The following NXPH1 variants were observed in gnomAD, a reference collection of about 807,000 sequenced individuals.
NXPH1 encodes neurexophilin-1.
Under a neutral mutation model 23.7 loss-of-function variants are expected in NXPH1, and 5 were observed. That is an observed-to-expected ratio of 0.21 (90% CI 0.11 to 0.44). The LOEUF (loss-of-function observed/expected upper bound fraction) is 0.44. Ranked by LOEUF, NXPH1 falls within the 20% of genes least tolerant of loss-of-function variation. The probability of loss-of-function intolerance (pLI) is 0.99; values close to 1 mark genes in which losing one functional copy is unlikely to be tolerated. For missense variants in NXPH1, 324 were observed against 321.6 expected (o/e 1.01, Z -0.06); for synonymous variants, 144 against 122.2 (o/e 1.18, Z -1.18).
chr7:8,665,452 G>A (rs1314386654), intron 2 of NXPH1, among the ~76,000 whole-genome samples: 1 of 151,904 alleles, frequency 6.6e-6, no homozygotes, highest in East Asian at 1.9e-4. Flanking sequence ...ATAGTGTGAT[G>A]CCTTTAGCTT....
intron 2 of NXPH1, among the ~76,000 whole-genome samples, chr7:8,536,731 T>C (rs1339592778): frequency 2.0e-5 from 3 of 152,048 alleles, no homozygotes; most frequent in Non-Finnish European, 4.4e-5. Context: ...TCTATATTAA[T>C]ATCCCAGACA....
intron 2 of NXPH1, among the ~76,000 whole-genome samples, chr7:8,612,684 C>T (rs1819646518): frequency 6.6e-6 from 1 of 152,026 alleles, no homozygotes. Context: ...TAGACCACTA[C>T]TTATTTTGTT....
intron 2 of NXPH1, among the ~76,000 whole-genome samples, chr7:8,488,546 T>G (rs1254019388): frequency 6.6e-6 from 1 of 152,164 alleles, no homozygotes; most frequent in Non-Finnish European, 1.5e-5. Flanking sequence ...CATGGCCGCT[T>G]ATAGTGCTAC....
intron 2 of NXPH1, among the ~76,000 whole-genome samples, chr7:8,576,321 G>A (rs1358651985): frequency 6.6e-6 from 1 of 152,184 alleles, no homozygotes; most frequent in Non-Finnish European, 1.5e-5. Flanking sequence ...TTTGGGGTAG[G>A]AGTGAGGAGA....
chr7:8,705,923 G>T (rs1779698051), intron 2 of NXPH1, among the ~76,000 whole-genome samples: 1 of 152,128 alleles, frequency 6.6e-6, no homozygotes, highest in South Asian at 2.1e-4. Flanking sequence ...GCTCCACTGT[G>T]TCTACTGAGT....
intron 2 of NXPH1, among the ~76,000 whole-genome samples, chr7:8,690,629 G>T (rs1484991389): frequency 6.6e-6 from 1 of 152,158 alleles, no homozygotes; most frequent in Non-Finnish European, 1.5e-5. Flanking sequence ...ATGTCAGTAG[G>T]ATTAAATGGA....
chr7:8,658,543 C>T (rs10952120), intron 2 of NXPH1, among the ~76,000 whole-genome samples: 110,067 of 152,064 alleles, frequency 0.72, 40,326 homozygotes, highest in East Asian at 1. Context: ...AAAAAACATA[C>T]AGAATAACTG....
At chr7:8,729,857 C>T (rs1386822994) in intron 2 of NXPH1, among the ~76,000 whole-genome samples, 34 of 150,312 alleles carry the variant, frequency 2.3e-4, no homozygotes, top group Middle Eastern at 3.4e-3. Flanking sequence ...CTATTAGGTC[C>T]GCTTGGTGCA....
chr7:8,691,835 A>G (rs1442089169), intron 2 of NXPH1, among the ~76,000 whole-genome samples: 1 of 152,234 alleles, frequency 6.6e-6, no homozygotes, highest in Non-Finnish European at 1.5e-5. Context: ...ACAAGTAAAC[A>G]GTTTATAAAC....
intron 2 of NXPH1, among the ~76,000 whole-genome samples, chr7:8,584,150 C>A (rs548398856): frequency 1.8e-4 from 27 of 152,212 alleles, no homozygotes; most frequent in Non-Finnish European, 2.5e-4. Flanking sequence ...ATTTTATATA[C>A]GATCAAACTG....
At chr7:8,639,142 A>T (rs1256255964) in intron 2 of NXPH1, among the ~76,000 whole-genome samples, 2 of 152,256 alleles carry the variant, frequency 1.3e-5, no homozygotes, top group Non-Finnish European at 2.9e-5. Context: ...CTAAAAAATC[A>T]TATAAACTAA....
chr7:8,493,839 C>G (rs1397572964), intron 2 of NXPH1, among the ~76,000 whole-genome samples: 1 of 151,958 alleles, frequency 6.6e-6, no homozygotes, highest in Non-Finnish European at 1.5e-5. Flanking sequence ...AGCTCTTTCT[C>G]TCTCGGTCTC....
At chr7:8,456,393 A>G (rs1816593765) in intron 2 of NXPH1, among the ~76,000 whole-genome samples, 1 of 152,204 alleles carries the variant, frequency 6.6e-6, no homozygotes, top group African/African-American at 2.4e-5. Context: ...AATTTCAGCA[A>G]TTTTACAATA....
chr7:8,567,415 G>C (rs1818565226), intron 2 of NXPH1, among the ~76,000 whole-genome samples: 1 of 151,950 alleles, frequency 6.6e-6, no homozygotes, highest in South Asian at 2.1e-4. Flanking sequence ...AAAGGCTGTG[G>C]GCAGGGCCCA....
At chr7:8,453,844 T>C (rs1816547375) in intron 2 of NXPH1, among the ~76,000 whole-genome samples, 1 of 152,166 alleles carries the variant, frequency 6.6e-6, no homozygotes, top group Non-Finnish European at 1.5e-5. Context: ...TTAGGTTGAT[T>C]CCATGTCTTT....
chr7:8,580,227 G>T (rs1271669315), intron 2 of NXPH1, among the ~76,000 whole-genome samples: 1 of 152,148 alleles, frequency 6.6e-6, no homozygotes, highest in African/African-American at 2.4e-5. Context: ...ATCAAGAATG[G>T]GTATGGGCAA....
chr7:8,465,291 C>G (rs1816767065), intron 2 of NXPH1, among the ~76,000 whole-genome samples: 1 of 152,120 alleles, frequency 6.6e-6, no homozygotes, highest in South Asian at 2.1e-4. Context: ...GTTATAGCCC[C>G]CTTTCAGTGT....
At chr7:8,660,205 T>C (rs1321693390) in intron 2 of NXPH1, among the ~76,000 whole-genome samples, 1 of 152,266 alleles carries the variant, frequency 6.6e-6, no homozygotes, top group African/African-American at 2.4e-5. Flanking sequence ...CACTGCCAGA[T>C]AGGCATTAAT....
chr7:8,469,977 C>T (rs1816847232), intron 2 of NXPH1, among the ~76,000 whole-genome samples: 1 of 152,148 alleles, frequency 6.6e-6, no homozygotes, highest in Non-Finnish European at 1.5e-5. Flanking sequence ...AAGCCCATGT[C>T]CCTCTCATTC....
Sources: allele counts gnomAD v4.1 joint callset (sites outside exome capture counted in the v4.1 genomes callset), GRCh38; gene constraint gnomAD v4.1.1; transcripts MANE v1.5; gene names NCBI Gene and HGNC (gene_info 2026-07-23, HGNC 2026-07-21).